GALNTL6: variants seen among roughly 807,000 people sequenced by gnomAD.
GALNTL6 encodes the protein polypeptide N-acetylgalactosaminyltransferase like 6, also known as polypeptide N-acetylgalactosaminyltransferase-like 6.
GALNTL6 carries 46 observed loss-of-function variants against 73.7 expected under a neutral mutation model. The ratio of observed to expected loss-of-function variants is 0.62; its 90% CI spans 0.49 to 0.80. GALNTL6 has a LOEUF of 0.80. GALNTL6 is among the 30% of genes least tolerant of loss of function. The pLI, the probability that GALNTL6 is intolerant of heterozygous loss-of-function variation, is 0.00. For missense variants in GALNTL6, 604 were observed against 755.0 expected, an observed-to-expected ratio of 0.80 and a Z score of 2.34; for synonymous variants, 259 against 263.7, an observed-to-expected ratio of 0.98 and a Z score of 0.17.
chr4:172,696,903 T>G (rs1307297532), intron 5 of GALNTL6, among the ~76,000 whole-genome samples: 3 of 152,210 alleles, frequency 2.0e-5, no homozygotes, highest in Non-Finnish European at 4.4e-5. Context: ...ATTCTCATAG[T>G]AACTGGAAAT....
chr4:172,319,281 G>A (rs17058286), intron 4 of GALNTL6, among the ~76,000 whole-genome samples: 88,132 of 151,968 alleles, frequency 0.58, 27,086 homozygotes, highest in South Asian at 0.82. Flanking sequence ...ATGTGATTGC[G>A]GCCAAAGGAT....
intron 8 of GALNTL6, among the ~76,000 whole-genome samples, chr4:172,883,718 G>A (rs180946256): frequency 1.3e-5 from 2 of 152,204 alleles, no homozygotes; most frequent in East Asian, 1.9e-4. Context: ...TCAAATACTA[G>A]AACTTATCTC....
At chr4:172,691,740 C>T (rs1733310850) in intron 5 of GALNTL6, among the ~76,000 whole-genome samples, 3 of 152,208 alleles carry the variant, frequency 2.0e-5, no homozygotes, top group African/African-American at 4.8e-5. Context: ...ACCTAGGTCA[C>T]ATACACTTAC....
At chr4:172,813,486 G>T (rs1741426739) in intron 6 of GALNTL6, 54 bp from the exon 7 acceptor site, 1 of 1,470,098 alleles carries the variant, frequency 6.8e-7, no homozygotes. Context: ...GCTGAAAAAT[G>T]ATAGATGACC....
intron 11 of GALNTL6, among the ~76,000 whole-genome samples, chr4:173,010,202 C>T (rs915468468): frequency 3.3e-5 from 5 of 152,166 alleles, no homozygotes; most frequent in African/African-American, 1.2e-4. Context: ...CTTCTACTAT[C>T]ATCTCCATGG....
At chr4:172,346,926 A>T (rs963877997) in intron 4 of GALNTL6, among the ~76,000 whole-genome samples, 7 of 148,278 alleles carry the variant, frequency 4.7e-5, no homozygotes, top group Non-Finnish European at 7.5e-5. Flanking sequence ...CTCTGATTGG[A>T]TTGTATATGA....
At chr4:173,006,277 T>C (rs1036394869) in intron 10 of GALNTL6, among the ~76,000 whole-genome samples, 1 of 152,184 alleles carries the variant, frequency 6.6e-6, no homozygotes, top group African/African-American at 2.4e-5. Context: ...CAGTATAAAC[T>C]GATACTGGTT....
intron 5 of GALNTL6, among the ~76,000 whole-genome samples, chr4:172,496,567 C>T (rs530937041): frequency 2.6e-5 from 4 of 151,992 alleles, no homozygotes; most frequent in African/African-American, 9.7e-5. Flanking sequence ...CCTGTAGTTC[C>T]AGCTACTCAG....
intron 5 of GALNTL6, among the ~76,000 whole-genome samples, chr4:172,564,771 T>G (rs1736496878): frequency 6.6e-6 from 1 of 152,188 alleles, no homozygotes; most frequent in African/African-American, 2.4e-5. Flanking sequence ...TTGAGGAGAA[T>G]CCAGAGAGAC....
Position 172,736,092 on chromosome 4 carries a change from C to T in GALNTL6, c.554-73269C>T, listed in dbSNP as rs183283527. On this transcript the variant is annotated intron_variant, in intron 5 of 12. Coordinates refer to ENST00000506823, the MANE Select transcript of GALNTL6 (RefSeq NM_001034845.3). ...GAAACTAGAATTACTGATGAAGGTC[C>T]ATGTCCTGCTGGGCACACATTGTCA... Among the ~76,000 whole-genome samples the T allele has an allele frequency of 1.4e-4, 21 of 152,294 alleles. No individual in the cohort carries two copies. In the East Asian group the frequency reaches 3.1e-3, roughly 22 times the overall value.
chr4:172,977,455 A>T (rs540213901), intron 10 of GALNTL6, among the ~76,000 whole-genome samples: 1 of 152,182 alleles, frequency 6.6e-6, no homozygotes, highest in Non-Finnish European at 1.5e-5. Flanking sequence ...TGCTGTCTCC[A>T]TCAGGTGGTT....
At chr4:172,041,656 CA>C (rs1388500264) in intron 2 of GALNTL6, among the ~76,000 whole-genome samples, 2 of 151,878 alleles carry the variant, frequency 1.3e-5, no homozygotes, top group Non-Finnish European at 2.9e-5. Flanking sequence ...ATTAAATAAA[CA>C]CATTGATTAC....
At chr4:172,384,816 T>G (rs1231545954) in intron 5 of GALNTL6, among the ~76,000 whole-genome samples, 1 of 152,114 alleles carries the variant, frequency 6.6e-6, no homozygotes, top group Non-Finnish European at 1.5e-5. Context: ...CTTATTATGT[T>G]TCCCAGCCTA....
At chr4:172,783,606 A>G (rs1739495272) in intron 5 of GALNTL6, among the ~76,000 whole-genome samples, 1 of 151,492 alleles carries the variant, frequency 6.6e-6, no homozygotes, top group Non-Finnish European at 1.5e-5. Context: ...AAAACAACAC[A>G]ATTTATCGTA....
chr4:172,789,116 A>T (rs1446909193), intron 5 of GALNTL6, among the ~76,000 whole-genome samples: 1 of 152,132 alleles, frequency 6.6e-6, no homozygotes, highest in South Asian at 2.1e-4. Flanking sequence ...CTACCTGGTG[A>T]TAATGTCAGA....
chr4:172,439,319 A>G (rs574232865), intron 5 of GALNTL6, among the ~76,000 whole-genome samples: 3 of 152,022 alleles, frequency 2.0e-5, no homozygotes, highest in African/African-American at 7.2e-5. Flanking sequence ...CACATTATTA[A>G]ACATAGTACC....
intron 5 of GALNTL6, among the ~76,000 whole-genome samples, chr4:172,427,820 A>C (rs1466701258): frequency 6.6e-6 from 1 of 152,182 alleles, no homozygotes; most frequent in Non-Finnish European, 1.5e-5. Flanking sequence ...TGAATTAAAA[A>C]CAAAGATACC....
intron 6 of GALNTL6, among the ~76,000 whole-genome samples, chr4:172,811,914 A>T (rs191078860): frequency 4.5e-4 from 69 of 152,298 alleles, no homozygotes; most frequent in Middle Eastern, 3.4e-3. Context: ...GATGTTATTC[A>T]TCATGGTATC....
chr4:171,845,912 C>T (rs1026207719), intron 2 of GALNTL6, among the ~76,000 whole-genome samples: 3 of 152,134 alleles, frequency 2.0e-5, no homozygotes, highest in Non-Finnish European at 4.4e-5. Flanking sequence ...TACTCATCAT[C>T]ACAGCTACTC....
Sources: gnomAD v4.1 joint callset for allele counts (sites outside exome capture counted in the v4.1 genomes callset) on GRCh38, gnomAD v4.1.1 for gene constraint, MANE v1.5 for transcripts, NCBI Gene and HGNC (gene_info 2026-07-23, HGNC 2026-07-21) for gene names.